Variants in ADGRL3 observed in about 807,000 individuals in gnomAD.
ADGRL3 encodes calcium-independent alpha-latrotoxin receptor 3.
In ADGRL3, 62 loss-of-function variants were observed where a neutral mutation model predicts 153.5. The observed-to-expected ratio is 0.40, with a 90% CI of 0.33 to 0.50. The LOEUF is 0.50. Ranked by LOEUF, ADGRL3 falls within the 20% of genes least tolerant of loss-of-function variation. ADGRL3 has a pLI of 0.47. For synonymous variants in ADGRL3, 710 were observed against 672.5 expected, an observed-to-expected ratio of 1.06 and a Z score of -0.86; for missense variants, 1,641 against 1,859.4, an observed-to-expected ratio of 0.88 and a Z score of 2.16.
At chr4:61,516,655 C>A (rs1056911842) in intron 3 of ADGRL3, among the ~76,000 whole-genome samples, 2 of 151,912 alleles carry the variant, frequency 1.3e-5, no homozygotes, top group Non-Finnish European at 2.9e-5. Flanking sequence ...TACCATTTGT[C>A]AGTAAAATCA....
At chr4:61,977,942 C>A (rs2099053806) in intron 17 of ADGRL3, among the ~76,000 whole-genome samples, 1 of 152,118 alleles carries the variant, frequency 6.6e-6, no homozygotes, top group South Asian at 2.1e-4. Flanking sequence ...CCATTGCCCC[C>A]TCCCTCCCTA....
rs189074604 is a variant in ADGRL3 at position 61,362,015 on chromosome 4, T to A, written c.-239-21109T>A. On this transcript the variant is annotated intron_variant, in intron 1 of 26. Coordinates refer to ENST00000683033, the MANE Select transcript of ADGRL3 (RefSeq NM_001387552.1). ...ATATATAAATACATATATTTTTTAA[T>A]AAATTGCAACAGAGTCTTGCTCTGT... 6.4e-3 allele frequency among the ~76,000 whole-genome samples: 953 copies of A among 149,756 alleles called. 6 individuals carry two copies. The highest frequency in any genetic ancestry group is 0.011 in the Middle Eastern group (3 of 280).
chr4:61,731,470 C>A (rs2096441565), intron 7 of ADGRL3, among the ~76,000 whole-genome samples: 1 of 152,002 alleles, frequency 6.6e-6, no homozygotes, highest in Non-Finnish European at 1.5e-5. Context: ...CTAATCATTC[C>A]AAACATAACA....
At chr4:61,952,638 G>A (rs1036991154) in intron 17 of ADGRL3, among the ~76,000 whole-genome samples, 8 of 152,164 alleles carry the variant, frequency 5.3e-5, no homozygotes, top group African/African-American at 9.6e-5. Flanking sequence ...TTTGATGTTC[G>A]AAGGACTACA....
At chr4:61,457,249 C>T (rs928601387) in intron 2 of ADGRL3, among the ~76,000 whole-genome samples, 14 of 151,816 alleles carry the variant, frequency 9.2e-5, no homozygotes, top group South Asian at 2.1e-4. Flanking sequence ...TTCACATAGT[C>T]GTATTGTAGT....
intron 3 of ADGRL3, among the ~76,000 whole-genome samples, chr4:61,517,076 GT>G (rs11315799): frequency 0.24 from 33,586 of 139,858 alleles, 5,998 homozygotes; most frequent in African/African-American, 0.52. Context: ...ATTAGGATGA[GT>G]TTTTTTTTTT....
intron 2 of ADGRL3, among the ~76,000 whole-genome samples, chr4:61,493,176 A>G (rs2098275743): frequency 6.6e-6 from 1 of 152,166 alleles, no homozygotes; most frequent in Non-Finnish European, 1.5e-5. Flanking sequence ...TTGCAAGTTT[A>G]TTATATATAT....
chr4:62,055,670 TG>T (rs1425279291), intron 25 of ADGRL3, among the ~76,000 whole-genome samples: 2 of 151,812 alleles, frequency 1.3e-5, no homozygotes, highest in Non-Finnish European at 3.0e-5. Flanking sequence ...TTCTATTCGT[TG>T]TTTTTTTTAA....
chr4:61,885,526 C>A (rs143689512), intron 9 of ADGRL3, among the ~76,000 whole-genome samples: 1,909 of 152,154 alleles, frequency 0.013, 24 homozygotes, highest in Non-Finnish European at 0.021. Context: ...ATGAGTTAGT[C>A]CTTGTAAAGT....
chr4:62,014,501 A>C (rs1478546806), intron 21 of ADGRL3, among the ~76,000 whole-genome samples: 2 of 152,176 alleles, frequency 1.3e-5, no homozygotes, highest in Non-Finnish European at 2.9e-5. Context: ...AGTTTTTTAT[A>C]ATTTTTGTTG....
At chr4:61,667,378 C>T (rs1162501241) in intron 5 of ADGRL3, among the ~76,000 whole-genome samples, 1 of 151,834 alleles carries the variant, frequency 6.6e-6, no homozygotes, top group East Asian at 1.9e-4. Flanking sequence ...TTTAAATTGC[C>T]ACTGAAAATT....
intron 2 of ADGRL3, among the ~76,000 whole-genome samples, chr4:61,409,162 G>C (rs543714383): frequency 6.2e-4 from 89 of 142,882 alleles, no homozygotes; most frequent in Non-Finnish European, 8.6e-4. Flanking sequence ...AAAAATCCCA[G>C]TTAGTTGAAA....
chr4:61,641,207 T>A (rs1429522894), intron 5 of ADGRL3, among the ~76,000 whole-genome samples: 2 of 152,126 alleles, frequency 1.3e-5, no homozygotes, highest in Non-Finnish European at 1.5e-5. Flanking sequence ...TTTTCATGAT[T>A]ACATGATGTG....
intron 1 of ADGRL3, among the ~76,000 whole-genome samples, chr4:61,312,937 CT>C (rs1178347861): frequency 2.6e-5 from 4 of 152,100 alleles, no homozygotes; most frequent in African/African-American, 9.7e-5. Flanking sequence ...TTGCAGCAGC[CT>C]CATTCTTAAT....
Position 61,546,076 on chromosome 4 carries a change from G to A in ADGRL3, c.259+28558G>A, listed in dbSNP as rs2098712570. Among the ~76,000 whole-genome samples, 3 of 152,052 alleles carry A rather than the reference G, an allele frequency of 2.0e-5. No individual in the cohort carries two copies. The South Asian group carries it at 6.2e-4, about 31-fold the overall frequency. ...TCTCTTGCCTAGACTATTTCCAGTA[G>A]CTTCTGGCTAGTGTCACTGCTTCTG... is the stretch of plus-strand genomic sequence containing the variant. On this transcript the variant is annotated intron_variant, in intron 4 of 26. Transcript: ENST00000683033.
chr4:61,246,848 G>C (rs1376820753), intron 1 of ADGRL3, among the ~76,000 whole-genome samples: 1 of 151,716 alleles, frequency 6.6e-6, no homozygotes, highest in Admixed American at 6.6e-5. Context: ...ATATATGGGG[G>C]GAAGGGGATG....
At chr4:61,613,142 T>G (rs1230067512) in intron 5 of ADGRL3, among the ~76,000 whole-genome samples, 1 of 152,190 alleles carries the variant, frequency 6.6e-6, no homozygotes, top group Non-Finnish European at 1.5e-5. Flanking sequence ...CGTGAACCTC[T>G]AAATCCTATC....
At chr4:61,244,139 A>G (rs1443847062) in intron 1 of ADGRL3, among the ~76,000 whole-genome samples, 2 of 152,122 alleles carry the variant, frequency 1.3e-5, no homozygotes, top group African/African-American at 4.8e-5. Flanking sequence ...TTTGGCTGTG[A>G]AAGTTTATTA....
At chr4:61,752,938 A>T (rs573491666) in intron 8 of ADGRL3, among the ~76,000 whole-genome samples, 1 of 152,052 alleles carries the variant, frequency 6.6e-6, no homozygotes, top group Admixed American at 6.6e-5. Flanking sequence ...TGTATCAAAA[A>T]TATATATGTA....
Sources: gnomAD v4.1 joint callset for allele counts (sites outside exome capture counted in the v4.1 genomes callset) on GRCh38, gnomAD v4.1.1 for gene constraint, MANE v1.5 for transcripts, NCBI Gene and HGNC (gene_info 2026-07-23, HGNC 2026-07-21) for gene names.